Variants in MTMR7 observed in about 807,000 individuals in gnomAD.
MTMR7 encodes myotubularin related protein 7.
Under a neutral mutation model 81.2 loss-of-function variants are expected in MTMR7, and 76 were observed. The ratio of observed to expected loss-of-function variants is 0.94; its 90% CI spans 0.78 to 1.13. The LOEUF is 1.13. MTMR7 is among the 50% of genes most tolerant of loss of function. The pLI is 0.00. For missense variants in MTMR7, 1,044 were observed against 820.0 expected (o/e 1.27, Z -3.34); for synonymous variants, 372 against 289.8 (o/e 1.28, Z -2.88).
At chr8:17,310,905 G>C (rs1817745487) in intron 9 of MTMR7, among the ~76,000 whole-genome samples, 1 of 152,118 alleles carries the variant, frequency 6.6e-6, no homozygotes, top group East Asian at 1.9e-4. Context: ...ACCATCCCAG[G>C]CAACTATATA....
chr8:17,366,152 G>A (rs761749742), intron 3 of MTMR7, among the ~76,000 whole-genome samples: 1 of 152,132 alleles, frequency 6.6e-6, no homozygotes, highest in African/African-American at 2.4e-5. Context: ...GTGAATAAAT[G>A]GGGCTGCATC....
intron 1 of MTMR7, among the ~76,000 whole-genome samples, chr8:17,393,941 AC>A (rs1294062384): frequency 6.6e-6 from 1 of 152,252 alleles, no homozygotes; most frequent in Non-Finnish European, 1.5e-5. Context: ...GCTAATAAGC[AC>A]ATAAAAAGAT....
At chr8:17,300,678 A>G (rs1192554065) in intron 13 of MTMR7, among the ~76,000 whole-genome samples, 2 of 152,216 alleles carry the variant, frequency 1.3e-5, no homozygotes, top group Non-Finnish European at 2.9e-5. Flanking sequence ...AGTTATATTC[A>G]CAAGGTTGTG....
chr8:17,337,609 T>C (rs997961939), intron 6 of MTMR7, among the ~76,000 whole-genome samples: 1 of 152,136 alleles, frequency 6.6e-6, no homozygotes, highest in African/African-American at 2.4e-5. Flanking sequence ...ATTGACTTTG[T>C]CTCCCAATTT....
chr8:17,381,796 A>G (rs1163477818), intron 1 of MTMR7, among the ~76,000 whole-genome samples: 1 of 152,246 alleles, frequency 6.6e-6, no homozygotes, highest in African/African-American at 2.4e-5. Flanking sequence ...CTAGATAAAT[A>G]GTTTGTTGTG....
intron 1 of MTMR7, among the ~76,000 whole-genome samples, chr8:17,381,458 T>C (rs1307276147): frequency 6.6e-6 from 1 of 152,168 alleles, no homozygotes; most frequent in Non-Finnish European, 1.5e-5. Context: ...TGGGTCTTTC[T>C]ATCCTGCAGG....
At chr8:17,309,406 T>C in intron 9 of MTMR7, 80 bp from the exon 10 acceptor site, 1 of 975,962 alleles carries the variant, frequency 1.0e-6, no homozygotes, top group Non-Finnish European at 1.6e-6. Context: ...TGTTGAGGAA[T>C]TCAGAGGCAC....
rs146641904 is a variant in MTMR7 at position 17,367,157 on chromosome 8, A to C, written c.310+3880T>G. Among the ~76,000 whole-genome samples the C allele has an allele frequency of 1.9e-3, 293 of 152,272 alleles. 3 individuals carry two copies. The highest frequency in any genetic ancestry group is 6.7e-3 in the African/African-American group (280 of 41,554). On this transcript the variant is annotated intron_variant, in intron 3 of 13. Coordinates refer to ENST00000180173, the MANE Select transcript of MTMR7 (RefSeq NM_004686.5). The stretch of plus-strand genomic sequence containing the variant: ...TAAGGAATATAAAAAGTTACCAATA[A>C]AGCAAATGAGACTACTTCAATCATG...
At chr8:17,395,166 T>A (rs1821212257) in intron 1 of MTMR7, among the ~76,000 whole-genome samples, 1 of 152,200 alleles carries the variant, frequency 6.6e-6, no homozygotes, top group South Asian at 2.1e-4. Context: ...AATCATACAT[T>A]ATCTGTCCTT....
At chr8:17,338,470 C>T (rs1202654384) in intron 6 of MTMR7, among the ~76,000 whole-genome samples, 1 of 152,154 alleles carries the variant, frequency 6.6e-6, no homozygotes, top group Non-Finnish European at 1.5e-5. Context: ...GTAAAGCCCC[C>T]GTCTTTTCTC....
chr8:17,378,431 T>C (rs1820656627), intron 1 of MTMR7, among the ~76,000 whole-genome samples: 3 of 152,214 alleles, frequency 2.0e-5, no homozygotes, highest in African/African-American at 4.8e-5. Context: ...GGGCACCATC[T>C]TGAAGACCCA....
intron 6 of MTMR7, among the ~76,000 whole-genome samples, chr8:17,337,470 T>A (rs1029851419): frequency 6.6e-6 from 1 of 152,150 alleles, no homozygotes; most frequent in Non-Finnish European, 1.5e-5. Context: ...AGCCCTCATT[T>A]GAAAATTCAG....
In MTMR7 at chr8:17,297,958, A is replaced by G. The variant is rs934677199; in HGVS notation, c.*1904T>C. On this transcript the variant is annotated 3_prime_UTR_variant, in exon 14 of 14. Coordinates refer to ENST00000180173, the MANE Select transcript of MTMR7 (RefSeq NM_004686.5). ...ATGGAAGTTGTCATATTAAAAAACT[A>G]CATTTTAAAACATCAAATATTTATA... 2 of 152,128 alleles carry G rather than the reference A, an allele frequency of 1.3e-5. No individual in the cohort carries two copies. Among genetic ancestry groups the G allele is most frequent in the African/African-American group, 2.4e-5 (1 of 41,466 alleles). The allele number at this position is 152,128 out of a possible 1,614,324, so 9.4% of individuals were successfully genotyped here.
chr8:17,305,165 G>C lies in MTMR7; in HGVS notation c.1352+592C>G, dbSNP rs192191141. 2.6e-5 allele frequency among the ~76,000 whole-genome samples: 4 copies of C among 152,218 alleles called. 1 individual carries two copies. Among genetic ancestry groups the C allele is most frequent in the South Asian group, 2.1e-4 (1 of 4,824 alleles). On this transcript the variant is annotated intron_variant, in intron 11 of 13. Transcript: ENST00000180173. ...TTTTCTTTATGAGTCCATTTCATTT[G>C]AACTGATCATTCCCCAAATTAAATC...
chr8:17,385,804 G>A (rs1286266113), intron 1 of MTMR7, among the ~76,000 whole-genome samples: 1 of 152,014 alleles, frequency 6.6e-6, no homozygotes, highest in Non-Finnish European at 1.5e-5. Context: ...TGTTTCCTGT[G>A]GCCTCCCGGC....
At chr8:17,379,714 C>T (rs1444355663) in intron 1 of MTMR7, among the ~76,000 whole-genome samples, 1 of 152,078 alleles carries the variant, frequency 6.6e-6, no homozygotes, top group African/African-American at 2.4e-5. Context: ...GACCATAATC[C>T]AACACAAGCA....
At chr8:17,396,092 G>T (rs1317186730) in intron 1 of MTMR7, among the ~76,000 whole-genome samples, 1 of 150,640 alleles carries the variant, frequency 6.6e-6, no homozygotes, top group African/African-American at 2.4e-5. Context: ...ATATCCATCA[G>T]GAGATATGGC....
chr8:17,410,862 C>T (rs1056520899), intron 1 of MTMR7, among the ~76,000 whole-genome samples: 12 of 152,150 alleles, frequency 7.9e-5, no homozygotes, highest in Admixed American at 1.3e-4. Context: ...AATTCTTTTC[C>T]TCTTAAAACT....
Position 17,331,172 on chromosome 8 carries a change from G to C in MTMR7, c.843C>G (p.Asn281Lys). ...IGIENIHVMR[N>K]SLQKMLEVCE... ...TACCTTCCAGCATTTTCTGCAGACT[G>C]TTCCTCATGACATGGATGTTCTCTA... Residue 281 changes from asparagine to lysine, a missense_variant, in exon 7 of 14, where the codon AAC becomes AAG. Transcript: ENST00000180173. The C allele has an allele frequency of 6.2e-7, 1 of 1,611,716 alleles. No individual in the cohort carries two copies. Among genetic ancestry groups the C allele is most frequent in the Non-Finnish European group, 8.5e-7 (1 of 1,179,396 alleles).
Sources: allele counts gnomAD v4.1 joint callset (sites outside exome capture counted in the v4.1 genomes callset), GRCh38; gene constraint gnomAD v4.1.1; transcripts MANE v1.5; gene names NCBI Gene and HGNC (gene_info 2026-07-23, HGNC 2026-07-21).